The following MANBA variants were observed in gnomAD, a reference collection of about 807,000 sequenced individuals.
MANBA encodes beta-mannosidase.
MANBA carries 83 observed loss-of-function variants against 111.1 expected under a neutral mutation model. The ratio of observed to expected loss-of-function variants is 0.75; its 90% CI spans 0.63 to 0.90. The LOEUF (loss-of-function observed/expected upper bound fraction) is 0.90, where lower values mean the gene tolerates loss of function less well. MANBA is among the 40% of genes least tolerant of loss of function. The pLI, the probability that MANBA is intolerant of heterozygous loss-of-function variation, is 0.00. For synonymous variants in MANBA, 370 were observed against 378.7 expected, an observed-to-expected ratio of 0.98 and a Z score of 0.27; for missense variants, 1,036 against 1,069.0, an observed-to-expected ratio of 0.97 and a Z score of 0.43.
At chr4:102,699,690 G>T (rs1451833577) in intron 5 of MANBA, among the ~76,000 whole-genome samples, 2 of 150,468 alleles carry the variant, frequency 1.3e-5, no homozygotes, top group Middle Eastern at 3.2e-3. Flanking sequence ...AACCAGCCTT[G>T]CATCCCAGGG....
chr4:102,672,223 G>T, intron 8 of MANBA: 1 of 396,844 alleles, frequency 2.5e-6, no homozygotes, highest in South Asian at 1.4e-4. Flanking sequence ...AGTTACTGAT[G>T]ACATTTACAT....
intron 5 of MANBA, among the ~76,000 whole-genome samples, chr4:102,713,911 A>AAG (rs1350327924): frequency 6.6e-6 from 1 of 151,482 alleles, no homozygotes; most frequent in Non-Finnish European, 1.5e-5. Flanking sequence ...AAAAAAAAAA[A>AAG]AAAAGAAAAG....
chr4:102,701,356 T>G (rs1415004436), intron 5 of MANBA, among the ~76,000 whole-genome samples: 8 of 152,006 alleles, frequency 5.3e-5, no homozygotes, highest in South Asian at 2.1e-4. Flanking sequence ...TTAGTCCATT[T>G]ACATTTAAAG....
At chr4:102,711,681 C>A (rs1002238047) in intron 5 of MANBA, among the ~76,000 whole-genome samples, 1 of 152,148 alleles carries the variant, frequency 6.6e-6, no homozygotes, top group Non-Finnish European at 1.5e-5. Context: ...GCACTATTCA[C>A]AATAGCAAAG....
chr4:102,738,510 T>G (rs1162259224), intron 1 of MANBA, among the ~76,000 whole-genome samples: 1 of 152,164 alleles, frequency 6.6e-6, no homozygotes, highest in Admixed American at 6.5e-5. Flanking sequence ...TAACAATCAC[T>G]GCAGTCTGGC....
At chr4:102,701,979 C>T (rs558299527) in intron 5 of MANBA, among the ~76,000 whole-genome samples, 73 of 151,932 alleles carry the variant, frequency 4.8e-4, no homozygotes, top group African/African-American at 1.6e-3. Flanking sequence ...CCATTCTCCC[C>T]GTCACTTTCA....
chr4:102,743,719 G>C (rs987953401), intron 1 of MANBA, among the ~76,000 whole-genome samples: 1 of 152,178 alleles, frequency 6.6e-6, no homozygotes, highest in Non-Finnish European at 1.5e-5. Context: ...TTTATGGCTA[G>C]ATGGGTCAGA....
At chr4:102,717,859 G>A (rs1315170123) in intron 4 of MANBA, among the ~76,000 whole-genome samples, 1 of 152,234 alleles carries the variant, frequency 6.6e-6, no homozygotes, top group African/African-American at 2.4e-5. Flanking sequence ...CTGGCCTAAA[G>A]GCAATGAGAA....
chr4:102,681,427 ACT>A (rs1731971928), intron 7 of MANBA: 1 of 152,038 alleles, frequency 6.6e-6, no homozygotes, highest in Non-Finnish European at 1.5e-5. Context: ...TTTTACTTTG[ACT>A]CTTTCTTTAG....
chr4:102,724,025 C>G, intron 2 of MANBA, 58 bp from the exon 3 acceptor site: 1 of 924,034 alleles, frequency 1.1e-6, no homozygotes, highest in Non-Finnish European at 1.7e-6. Context: ...TTAGATAAGT[C>G]TCTTTTTTAT....
At chr4:102,756,881 C>A (rs1560818422) in intron 1 of MANBA, among the ~76,000 whole-genome samples, 1 of 150,810 alleles carries the variant, frequency 6.6e-6, no homozygotes, top group African/African-American at 2.4e-5. Context: ...TGAGAACATT[C>A]CTAACAAGGG....
intron 1 of MANBA, among the ~76,000 whole-genome samples, chr4:102,746,975 A>C (rs554465794): frequency 6.6e-6 from 1 of 150,724 alleles, no homozygotes; most frequent in Admixed American, 6.6e-5. Context: ...CCATCTCAAA[A>C]AAAAAAAAAA....
intron 1 of MANBA, chr4:102,729,433 G>T: frequency 1.6e-6 from 2 of 1,250,802 alleles, no homozygotes; most frequent in Non-Finnish European, 2.3e-6. Flanking sequence ...GTTGTCCATG[G>T]GCAGCACCAC....
chr4:102,760,879 G>A lies in MANBA; in HGVS notation c.16C>T (p.Leu6Phe). Reference sequence around the variant, plus strand: ...GCACCGCACAGCGCGAGCAGCAGGAGCAGGTGGAGGCGCATCTTGAGATCC... The same window carrying A: ...GCACCGCACAGCGCGAGCAGCAGGAACAGGTGGAGGCGCATCTTGAGATCC... MRLHLLLLLALCGAGT... is the reference protein window; with the variant it reads MRLHLFLLLALCGAGT... Residue 6 changes from leucine (L) to phenylalanine (F), a missense_variant, in exon 1 of 17, where the codon CTC becomes TTC. Coordinates refer to ENST00000647097, the MANE Select transcript of MANBA (RefSeq NM_005908.4). The A allele has an allele frequency of 6.4e-7, 1 of 1,569,352 alleles. No individual in the cohort carries two copies. The highest frequency in any genetic ancestry group is 1.2e-5 in the South Asian group (1 of 85,818).
chr4:102,709,370 GAA>G (rs763833950), intron 5 of MANBA, among the ~76,000 whole-genome samples: 1 of 128,740 alleles, frequency 7.8e-6, no homozygotes, highest in South Asian at 2.4e-4. Flanking sequence ...AAAAGAAAAA[GAA>G]AGGAAGGAAG....
intron 1 of MANBA, among the ~76,000 whole-genome samples, chr4:102,748,680 C>A (rs911170655): frequency 1.3e-5 from 2 of 152,018 alleles, no homozygotes; most frequent in African/African-American, 4.8e-5. Flanking sequence ...TTTGGGGGGC[C>A]GAGGTGGGCG....
At chr4:102,656,322 G>A (rs1286752550) in intron 12 of MANBA, among the ~76,000 whole-genome samples, 1 of 151,850 alleles carries the variant, frequency 6.6e-6, no homozygotes, top group Non-Finnish European at 1.5e-5. Flanking sequence ...CAAATGGCCA[G>A]TAAGCACGTG....
chr4:102,723,977 A>G lies in MANBA; in HGVS notation c.273-10T>C, dbSNP rs757910272. 13 of 1,513,880 alleles carry G rather than the reference A, an allele frequency of 8.6e-6. No individual in the cohort carries two copies. The highest frequency in any genetic ancestry group is 1.2e-5 in the Non-Finnish European group (13 of 1,091,584). The allele number at this position is 1,513,880 out of a possible 1,614,324, so 93.8% of individuals were successfully genotyped here. The stretch of plus-strand genomic sequence containing the variant: ...TACTTTTTGCCATTTGCTAAAAAAA[A>G]GAAAAGATTTTTAAAACAAGATGTG... On this transcript the variant is annotated splice_polypyrimidine_tract_variant and intron_variant, in intron 2 of 16. Transcript: ENST00000647097.
intron 5 of MANBA, among the ~76,000 whole-genome samples, chr4:102,698,879 T>G (rs1455142091): frequency 6.6e-6 from 1 of 151,910 alleles, no homozygotes; most frequent in East Asian, 1.9e-4. Context: ...AGTAGTTTTT[T>G]CCAATTCTGT....
Sources: gnomAD v4.1 joint callset for allele counts (sites outside exome capture counted in the v4.1 genomes callset) on GRCh38, gnomAD v4.1.1 for gene constraint, MANE v1.5 for transcripts, NCBI Gene and HGNC (gene_info 2026-07-23, HGNC 2026-07-21) for gene names.